ZNF431: variants seen among roughly 807,000 people sequenced by gnomAD.
ZNF431 encodes the protein zinc finger protein 431.
In ZNF431, 34 loss-of-function variants were observed where a neutral mutation model predicts 57.0. That is an observed-to-expected ratio of 0.60 (90% CI 0.45 to 0.79). The LOEUF is 0.79. Ranked by LOEUF, ZNF431 falls within the 30% of genes least tolerant of loss-of-function variation. ZNF431 has a pLI of 0.00. For synonymous variants in ZNF431, 207 were observed against 220.3 expected (o/e 0.94, Z 0.54); for missense variants, 607 against 667.1 (o/e 0.91, Z 0.99).
intron 2 of ZNF431, among the ~76,000 whole-genome samples, chr19:21,160,912 G>A (rs757903575): frequency 3.3e-5 from 5 of 152,178 alleles, no homozygotes; most frequent in Non-Finnish European, 5.9e-5. Context: ...GATCATGCCT[G>A]TAATCCCAGC....
chr19:21,146,701 T>A (rs1198258318), intron 2 of ZNF431, among the ~76,000 whole-genome samples: 2 of 152,150 alleles, frequency 1.3e-5, no homozygotes, highest in East Asian at 3.9e-4. Context: ...TTTGACTTCT[T>A]TATTGCAACC....
chr19:21,183,408 GA>G lies in ZNF431; in HGVS notation c.1110del (p.Lys370AsnfsTer51). 1 of 1,613,536 alleles carries G rather than the reference GA, an allele frequency of 6.2e-7. No individual in the cohort carries two copies. The highest frequency in any genetic ancestry group is 8.5e-7 in the Non-Finnish European group (1 of 1,179,752). On this transcript the variant is annotated frameshift_variant, in exon 5 of 5. Coordinates refer to ENST00000311048, the MANE Select transcript of ZNF431 (RefSeq NM_133473.4). LOFTEE classifies it high-confidence loss of function. ...TAAACATAAGATAATTCATACTGGA[GA>G]AAAATCTTACAAATGTGAAGAATGT... The part of the protein sequence containing the change: ...LTKHKIIHTG[E>X]KSYKCEECGK...
In ZNF431 at chr19:21,191,335, C is replaced by T. The variant is rs1187779574; in HGVS notation, c.*7301C>T. On this transcript the variant is annotated 3_prime_UTR_variant, in exon 5 of 5. Coordinates refer to ENST00000311048, the MANE Select transcript of ZNF431 (RefSeq NM_133473.4). ...GGGCGTGGTTGCACGTGTCTATAAT[C>T]TCAGCTACTCAGGAGGCTGAGGCAG... is the stretch of plus-strand genomic sequence containing the variant. The T allele has an allele frequency of 6.6e-6, 1 of 152,066 alleles. No homozygotes were observed. Among genetic ancestry groups the T allele is most frequent in the African/African-American group, 2.4e-5 (1 of 41,394 alleles). 9.4% of individuals were successfully genotyped at this position (152,066 alleles called of 1,614,324 possible).
At position 21,153,379 on chromosome 19, in the gene ZNF431, C is replaced by T. The variant is rs561473744; in HGVS notation, c.96+9736C>T. ...GCCTCTATTCAAAATAGAGGCTGCT[C>T]TGGTTCAGTACACCTCTGACAGAGT... On this transcript the variant is annotated intron_variant, in intron 2 of 4. Coordinates refer to ENST00000311048, the MANE Select transcript of ZNF431 (RefSeq NM_133473.4). 8.6e-4 allele frequency among the ~76,000 whole-genome samples: 131 copies of T among 152,244 alleles called. 1 individual carries two copies. Among genetic ancestry groups the T allele is most frequent in the African/African-American group, 2.9e-3 (122 of 41,552 alleles).
intron 4 of ZNF431, among the ~76,000 whole-genome samples, chr19:21,179,440 T>G (rs1016233442): frequency 6.6e-6 from 1 of 152,316 alleles, no homozygotes; most frequent in Middle Eastern, 3.4e-3. Flanking sequence ...TCTCGTTCTT[T>G]TAGTTATGAT....
At position 21,191,064 on chromosome 19, in the gene ZNF431, C is replaced by G. The variant is rs1971500858; in HGVS notation, c.*7030C>G. On this transcript the variant is annotated 3_prime_UTR_variant, in exon 5 of 5. Transcript: ENST00000311048. ...TTTTTCTCCCATGTTCTAGTTGTCA[C>G]ATTCTGTTGATTGTATCAGATTTTG... 1 of 152,144 alleles carries G rather than the reference C, an allele frequency of 6.6e-6. No homozygotes were observed. The highest frequency in any genetic ancestry group is 2.4e-5 in the African/African-American group (1 of 41,434). The allele number at this position is 152,144 out of a possible 1,614,324, so 9.4% of individuals were successfully genotyped here.
intron 4 of ZNF431, among the ~76,000 whole-genome samples, chr19:21,170,532 A>G (rs1417188687): frequency 6.6e-6 from 1 of 152,192 alleles, no homozygotes; most frequent in Non-Finnish European, 1.5e-5. Context: ...GGCACTCCAT[A>G]TTACTAAGAT....
intron 2 of ZNF431, among the ~76,000 whole-genome samples, chr19:21,165,092 CAAAA>C (rs58552017): frequency 3.8e-5 from 5 of 132,906 alleles, no homozygotes; most frequent in Non-Finnish European, 4.8e-5. Context: ...CTGGGCAACT[CAAAA>C]AAAAAAAAAA....
chr19:21,179,597 G>C (rs1971157530), intron 4 of ZNF431, among the ~76,000 whole-genome samples: 1 of 141,752 alleles, frequency 7.1e-6, no homozygotes, highest in Non-Finnish European at 1.5e-5. Flanking sequence ...GTCTCGCTCT[G>C]ACCCCAGGCT....
Position 21,167,574 on chromosome 19 carries a change from T to A in ZNF431, c.227T>A (p.Val76Asp). 1 of 1,563,356 alleles carries A rather than the reference T, an allele frequency of 6.4e-7. No homozygotes were observed. Among genetic ancestry groups the A allele is most frequent in the Non-Finnish European group, 8.6e-7 (1 of 1,156,928 alleles). ...ENYKNLVFLG[V>D]AVSKQDPVTC... ...TTATTTATTTTTAATAAAGCAGGTG[T>A]TGCTGTCTCTAAGCAAGACCCAGTC... Residue 76 changes from valine (V) to aspartate (D), a missense_variant, in exon 4 of 5, where the codon GTT becomes GAT. Physicochemically the swap from Val to Asp is radical, Grantham distance 152. Transcript: ENST00000311048.
chr19:21,169,343 G>A (rs940657577), intron 4 of ZNF431, among the ~76,000 whole-genome samples: 5 of 151,806 alleles, frequency 3.3e-5, no homozygotes, highest in Non-Finnish European at 7.4e-5. Context: ...ACTAATTCTT[G>A]TGCCACATAC....
chr19:21,167,697 C>T, intron 4 of ZNF431, 31 bp downstream of exon 4: 1 of 1,467,940 alleles, frequency 6.8e-7, no homozygotes, highest in South Asian at 1.3e-5. Context: ...ACAGATGACA[C>T]AGATGAGAGG....
At chr19:21,164,216 A>G (rs1182805990) in intron 2 of ZNF431, among the ~76,000 whole-genome samples, 1 of 152,086 alleles carries the variant, frequency 6.6e-6, no homozygotes, top group Admixed American at 6.6e-5. Context: ...AGAATCAAAT[A>G]TGAGGGCTTC....
At chr19:21,144,329 G>A (rs1040715994) in intron 2 of ZNF431, among the ~76,000 whole-genome samples, 1 of 151,756 alleles carries the variant, frequency 6.6e-6, no homozygotes, top group East Asian at 1.9e-4. Context: ...CTCCTAAGTA[G>A]CTGAGATTAC....
At position 21,187,167 on chromosome 19, in the gene ZNF431, TA is replaced by T. The variant is rs1971392785; in HGVS notation, c.*3137del. On this transcript the variant is annotated 3_prime_UTR_variant, in exon 5 of 5. Transcript: ENST00000311048. ...GAGAGGACATTTTTTTTCCAGACTGTAAAACTGAATCTTGTTGAATTTAAAG... is the reference window on the plus strand; with the variant it reads ...GAGAGGACATTTTTTTTCCAGACTGTAAACTGAATCTTGTTGAATTTAAAG... 1 of 152,062 alleles carries T rather than the reference TA, an allele frequency of 6.6e-6. No individual in the cohort carries two copies. The highest frequency in any genetic ancestry group is 2.4e-5 in the African/African-American group (1 of 41,418). 9.4% of individuals were successfully genotyped at this position (152,062 alleles called of 1,614,324 possible). A position where few individuals can be genotyped will look rare whatever the true frequency, so the allele number is the denominator to read the frequency against.
Position 21,142,196 on chromosome 19 carries a change from C to A in ZNF431, c.3+10C>A. Reference sequence around the variant, plus strand: ...TGAAAGCCTAGAAATGGTGAGAGTGCCGGGTCGGACATCCCGAGAGAGGGG... The same window carrying A: ...TGAAAGCCTAGAAATGGTGAGAGTGACGGGTCGGACATCCCGAGAGAGGGG... On this transcript the variant is annotated intron_variant, in intron 1 of 4. Transcript: ENST00000311048. 1 of 1,612,876 alleles carries A rather than the reference C, an allele frequency of 6.2e-7. No individual in the cohort carries two copies. The highest frequency in any genetic ancestry group is 8.5e-7 in the Non-Finnish European group (1 of 1,179,198).
intron 2 of ZNF431, among the ~76,000 whole-genome samples, chr19:21,164,686 G>T (rs1364915431): frequency 3.3e-5 from 5 of 152,052 alleles, no homozygotes; most frequent in Admixed American, 3.3e-4. Context: ...ATCAAGAGCT[G>T]TGTCCACTCT....
intron 2 of ZNF431, among the ~76,000 whole-genome samples, chr19:21,159,126 T>C (rs1970504400): frequency 6.6e-6 from 1 of 152,132 alleles, no homozygotes; most frequent in Non-Finnish European, 1.5e-5. Flanking sequence ...ATTCATTAAT[T>C]GTTGTATGTT....
Position 21,183,254 on chromosome 19 carries a change from A to G in ZNF431, c.951A>G (p.Lys317=). 2 of 1,614,090 alleles carry G rather than the reference A, an allele frequency of 1.2e-6. No homozygotes were observed. Among genetic ancestry groups the G allele is most frequent in the South Asian group, 2.2e-5 (2 of 91,084 alleles). Residue 317 remains lysine (K), a synonymous_variant, in exon 5 of 5, where the codon AAA becomes AAG. Transcript: ENST00000311048. ...KIIHTGEKPY[K]CEECGKAFNQ... ...TTCATACTGGAGAGAAGCCCTACAA[A>G]TGTGAAGAATGTGGCAAAGCTTTTA...
Sources: allele counts gnomAD v4.1 joint callset (sites outside exome capture counted in the v4.1 genomes callset), GRCh38; gene constraint gnomAD v4.1.1; transcripts MANE v1.5; gene names NCBI Gene and HGNC (gene_info 2026-07-23, HGNC 2026-07-21).